The following GRID2 variants were observed in gnomAD, a reference collection of about 807,000 sequenced individuals.
GRID2 encodes the protein glutamate receptor ionotropic, delta-2.
A neutral mutation model predicts 114.8 loss-of-function variants in GRID2; 33 were observed. The observed-to-expected ratio is 0.29, with a 90% confidence interval of 0.22 to 0.38. The LOEUF (loss-of-function observed/expected upper bound fraction) is 0.38. GRID2 is among the 10% of genes least tolerant of loss of function. GRID2 has a pLI of 1.00. For missense variants in GRID2, 1,184 were observed against 1,257.7 expected, an observed-to-expected ratio of 0.94 and a Z score of 0.89; for synonymous variants, 505 against 449.9, an observed-to-expected ratio of 1.12 and a Z score of -1.55.
At chr4:92,491,465 A>G (rs1723143703) in intron 1 of GRID2, among the ~76,000 whole-genome samples, 1 of 152,086 alleles carries the variant, frequency 6.6e-6, no homozygotes, top group South Asian at 2.1e-4. Flanking sequence ...GTTCTTTATC[A>G]CTTCCAAATT....
Position 93,324,049 on chromosome 4 carries a change from T to C in GRID2, c.1246-71558T>C, listed in dbSNP as rs1757549315. Among the ~76,000 whole-genome samples the C allele has an allele frequency of 2.0e-5, 3 of 152,308 alleles. No homozygotes were observed. The South Asian group carries it at 6.2e-4, about 32-fold the overall frequency. On this transcript the variant is annotated intron_variant, in intron 8 of 15. Coordinates refer to ENST00000282020, the MANE Select transcript of GRID2 (RefSeq NM_001510.4). Reference sequence around the variant, plus strand: ...TTGAGTACCCTGTATTTCTTTCTCCTGCCTAATTGCCCTGGCCAGAACTTC... The same window carrying C: ...TTGAGTACCCTGTATTTCTTTCTCCCGCCTAATTGCCCTGGCCAGAACTTC...
At chr4:92,789,119 T>C (rs1739454719) in intron 2 of GRID2, among the ~76,000 whole-genome samples, 1 of 151,932 alleles carries the variant, frequency 6.6e-6, no homozygotes, top group Non-Finnish European at 1.5e-5. Context: ...ATTATTTCAG[T>C]GTCTTTCAGT....
At chr4:92,805,595 T>C (rs1418879011) in intron 2 of GRID2, among the ~76,000 whole-genome samples, 1 of 152,024 alleles carries the variant, frequency 6.6e-6, no homozygotes, top group Non-Finnish European at 1.5e-5. Flanking sequence ...TTAGATCCTC[T>C]AAAGTTCTCT....
chr4:93,760,771 T>C (rs1183020548), intron 14 of GRID2, among the ~76,000 whole-genome samples: 2 of 152,254 alleles, frequency 1.3e-5, no homozygotes, highest in African/African-American at 2.4e-5. Context: ...CACAACCTTT[T>C]CTGCCTCAGT....
intron 8 of GRID2, among the ~76,000 whole-genome samples, chr4:93,320,251 C>T (rs1757073888): frequency 6.6e-6 from 1 of 151,858 alleles, no homozygotes; most frequent in Admixed American, 6.6e-5. Flanking sequence ...TGATTATTGG[C>T]ATAAAAAAGA....
chr4:93,335,969 G>A (rs182761842), intron 8 of GRID2, among the ~76,000 whole-genome samples: 12 of 152,204 alleles, frequency 7.9e-5, no homozygotes, highest in Admixed American at 7.2e-4. Context: ...TTATAGGCGT[G>A]AGCCACCACA....
intron 2 of GRID2, among the ~76,000 whole-genome samples, chr4:92,611,146 A>ATGTG (rs57724105): frequency 1.4e-4 from 19 of 136,194 alleles, no homozygotes; most frequent in South Asian, 4.8e-4. Context: ...GTGTGTGTGC[A>ATGTG]TGTGTGTGTG....
In GRID2 at chr4:93,276,926, C is replaced by T. The variant is rs779329437; in HGVS notation, c.1245+38436C>T. ...AAGCAGAGGAAGTATTTACCTAATA[C>T]CTTCTGCTTCCATAGCCATCAATAA... On this transcript the variant is annotated intron_variant, in intron 8 of 15. Transcript: ENST00000282020. Among the ~76,000 whole-genome samples the T allele has an allele frequency of 8.4e-4, 128 of 151,904 alleles. 1 individual carries two copies. Among genetic ancestry groups the T allele is most frequent in the East Asian group, 7.7e-4 (4 of 5,168 alleles).
intron 2 of GRID2, among the ~76,000 whole-genome samples, chr4:93,044,173 G>A (rs1207567106): frequency 2.0e-5 from 3 of 152,122 alleles, no homozygotes; most frequent in East Asian, 1.9e-4. Context: ...TTTAGACATG[G>A]AGAAAGCTTC....
chr4:93,657,824 T>C (rs1026153371), intron 14 of GRID2, among the ~76,000 whole-genome samples: 2 of 152,188 alleles, frequency 1.3e-5, no homozygotes, highest in African/African-American at 2.4e-5. Context: ...ACAGAGTCTA[T>C]AGCTAGATTG....
rs190607112 is a variant in GRID2 at position 93,715,966 on chromosome 4, T to C, written c.2361-53244T>C. The stretch of plus-strand genomic sequence containing the variant: ...CCTGGCCAGAACTTCCAATACCACA[T>C]TGAATAGGAGAGGTGAGAGAGGGTA... On this transcript the variant is annotated intron_variant, in intron 14 of 15. Coordinates refer to ENST00000282020, the MANE Select transcript of GRID2 (RefSeq NM_001510.4). Among the ~76,000 whole-genome samples the C allele has an allele frequency of 5.3e-5, 8 of 152,274 alleles. No individual in the cohort carries two copies. The East Asian group carries it at 1.2e-3, about 22-fold the overall frequency.
chr4:92,756,808 G>C (rs780565280), intron 2 of GRID2, among the ~76,000 whole-genome samples: 1 of 151,526 alleles, frequency 6.6e-6, no homozygotes, highest in Non-Finnish European at 1.5e-5. Flanking sequence ...TAATGTTTGG[G>C]GTTTTTTTAT....
intron 1 of GRID2, among the ~76,000 whole-genome samples, chr4:92,536,495 C>G (rs1264729749): frequency 2.0e-5 from 3 of 152,176 alleles, no homozygotes; most frequent in African/African-American, 7.2e-5. Context: ...ACTGATAACT[C>G]TCCCATATTT....
intron 2 of GRID2, among the ~76,000 whole-genome samples, chr4:92,818,442 G>A (rs1447208914): frequency 6.6e-6 from 1 of 152,076 alleles, no homozygotes; most frequent in East Asian, 1.9e-4. Flanking sequence ...ATTTTGACAG[G>A]TGGAGGTAGA....
chr4:93,035,192 G>A (rs1192061521), intron 2 of GRID2, among the ~76,000 whole-genome samples: 1 of 148,140 alleles, frequency 6.8e-6, no homozygotes, highest in Non-Finnish European at 1.5e-5. Context: ...TGCAACCTCC[G>A]CCTCCTGGGT....
chr4:92,898,438 G>A (rs1747326932), intron 2 of GRID2, among the ~76,000 whole-genome samples: 1 of 152,080 alleles, frequency 6.6e-6, no homozygotes, highest in South Asian at 2.1e-4. Flanking sequence ...AATGGTAATA[G>A]AAGATATTTC....
chr4:93,583,394 T>G (rs1046168481), intron 13 of GRID2, among the ~76,000 whole-genome samples: 1 of 152,190 alleles, frequency 6.6e-6, no homozygotes. Context: ...TCTTCTTCGG[T>G]GCTGTGGACG....
intron 10 of GRID2, among the ~76,000 whole-genome samples, chr4:93,454,780 A>G (rs1410985394): frequency 6.6e-6 from 1 of 152,116 alleles, no homozygotes; most frequent in African/African-American, 2.4e-5. Context: ...ATGTTCAAAA[A>G]ATAATTTACT....
At chr4:92,352,330 A>G (rs1728107711) in intron 1 of GRID2, among the ~76,000 whole-genome samples, 1 of 117,248 alleles carries the variant, frequency 8.5e-6, no homozygotes, top group Non-Finnish European at 1.7e-5. Flanking sequence ...CAAATGTTAA[A>G]TTGGATTATT....
Sources: allele counts gnomAD v4.1 joint callset (sites outside exome capture counted in the v4.1 genomes callset), GRCh38; gene constraint gnomAD v4.1.1; transcripts MANE v1.5; gene names NCBI Gene and HGNC (gene_info 2026-07-23, HGNC 2026-07-21).